The following SPAST variants were observed in gnomAD, a reference collection of about 807,000 sequenced individuals.
SPAST encodes the protein spastin, also known as spastic paraplegia 4 (autosomal dominant; spastin).
In SPAST, 30 loss-of-function variants were observed where a neutral mutation model predicts 76.6. The ratio of observed to expected loss-of-function variants is 0.39; its 90% CI spans 0.29 to 0.53. The LOEUF is 0.53. Ranked by LOEUF, SPAST falls within the 20% of genes least tolerant of loss-of-function variation. The pLI is 0.68. For synonymous variants in SPAST, 305 were observed against 281.0 expected, an observed-to-expected ratio of 1.09 and a Z score of -0.86; for missense variants, 717 against 770.5, an observed-to-expected ratio of 0.93 and a Z score of 0.82.
chr2:32,136,237 A>G (rs1679532700), intron 9 of SPAST, among the ~76,000 whole-genome samples: 1 of 152,156 alleles, frequency 6.6e-6, no homozygotes, highest in South Asian at 2.1e-4. Flanking sequence ...AATATGTACA[A>G]TGTCTTTTTC....
At chr2:32,073,109 A>T (rs1478035505) in intron 1 of SPAST, among the ~76,000 whole-genome samples, 1 of 152,204 alleles carries the variant, frequency 6.6e-6, no homozygotes, top group African/African-American at 2.4e-5. Flanking sequence ...CTCATGTTGA[A>T]TACAGTTAAA....
intron 1 of SPAST, among the ~76,000 whole-genome samples, chr2:32,067,618 C>T (rs989011625): frequency 6.6e-6 from 1 of 151,568 alleles, no homozygotes; most frequent in South Asian, 2.1e-4. Context: ...TTTTATTTTT[C>T]AGTTGGATAT....
intron 7 of SPAST, among the ~76,000 whole-genome samples, chr2:32,123,462 T>C (rs757068481): frequency 3.9e-5 from 6 of 152,098 alleles, no homozygotes; most frequent in Non-Finnish European, 8.8e-5. Flanking sequence ...TCTTCCCAAG[T>C]TCATATATCG....
At chr2:32,091,605 G>A (rs1353924659) in intron 3 of SPAST, among the ~76,000 whole-genome samples, 1 of 150,274 alleles carries the variant, frequency 6.7e-6, no homozygotes, top group East Asian at 2.0e-4. Context: ...GGCCGAGGCG[G>A]GTGGATCACG....
chr2:32,091,310 T>C (rs80108491), intron 3 of SPAST, among the ~76,000 whole-genome samples: 11 of 148,472 alleles, frequency 7.4e-5, no homozygotes, highest in Non-Finnish European at 1.5e-4. Flanking sequence ...AGATGGAGTC[T>C]TGCTTTGTTG....
chr2:32,110,761 A>ATATAGTATACATAGTATAGTATATATAG (rs1678548840), intron 4 of SPAST, among the ~76,000 whole-genome samples: 1 of 134,018 alleles, frequency 7.5e-6, no homozygotes, highest in African/African-American at 2.9e-5. Flanking sequence ...AGTATAGTAT[A>ATATAGTATACATAGTATAGTATATATAG]TATAGTATAC....
chr2:32,128,632 T>C, intron 9 of SPAST, 153 bp downstream of exon 9: 2 of 657,366 alleles, frequency 3.0e-6, no homozygotes, highest in Non-Finnish European at 2.7e-6. Context: ...ATCTTCAGAG[T>C]AGAAAGTTAT....
intron 1 of SPAST, among the ~76,000 whole-genome samples, chr2:32,074,332 G>A (rs1222899337): frequency 6.6e-6 from 1 of 152,114 alleles, no homozygotes; most frequent in Non-Finnish European, 1.5e-5. Flanking sequence ...CAGTGTTCAT[G>A]TTTTGCCTGT....
intron 1 of SPAST, among the ~76,000 whole-genome samples, chr2:32,073,652 A>T (rs369675678): frequency 1.3e-5 from 2 of 152,054 alleles, no homozygotes; most frequent in African/African-American, 4.8e-5. Flanking sequence ...CTTGACCTAT[A>T]ATAGTCCTGC....
intron 14 of SPAST, 30 bp from the exon 15 acceptor site, chr2:32,144,907 A>C: frequency 6.5e-7 from 1 of 1,548,184 alleles, no homozygotes; most frequent in South Asian, 1.1e-5. Context: ...GAGGGGAAAT[A>C]ATTTGCTGTT....
chr2:32,111,813 C>T (rs371693698), intron 4 of SPAST, among the ~76,000 whole-genome samples: 6 of 151,520 alleles, frequency 4.0e-5, no homozygotes, highest in Non-Finnish European at 7.4e-5. Context: ...ACATTTTGGA[C>T]ATACCTCATT....
chr2:32,063,637 G>A lies in SPAST; in HGVS notation c.-195G>A, dbSNP rs536851325. ...GCCCGAGCCACCGACTGCAGGAGGA[G>A]AAGGGGTTGTGCTCCTGGCCGAGGA... On this transcript the variant is annotated 5_prime_UTR_variant, in exon 1 of 17. Coordinates refer to ENST00000315285, the MANE Select transcript of SPAST (RefSeq NM_014946.4). 1.4e-4 allele frequency: 90 copies of A among 653,256 alleles called. No individual in the cohort carries two copies. Among genetic ancestry groups the A allele is most frequent in the Non-Finnish European group, 1.9e-4 (77 of 397,970 alleles). The allele number at this position is 653,256 out of a possible 1,614,324, so 40.5% of individuals were successfully genotyped here.
intron 4 of SPAST, among the ~76,000 whole-genome samples, chr2:32,111,238 A>G (rs1285343717): frequency 9.0e-6 from 1 of 110,734 alleles, no homozygotes; most frequent in African/African-American, 3.4e-5. Flanking sequence ...GCGTATATAT[A>G]CAGTATACTA....
At chr2:32,066,644 G>A (rs1676522428) in intron 1 of SPAST, among the ~76,000 whole-genome samples, 1 of 151,920 alleles carries the variant, frequency 6.6e-6, no homozygotes, top group Non-Finnish European at 1.5e-5. Flanking sequence ...CTCCAGCCTG[G>A]GCGGCAGAGC....
rs1195177643 is a variant in SPAST, at chr2:32,156,720, G to T, written c.*2224G>T. The T allele has an allele frequency of 6.6e-6, 1 of 152,184 alleles. No individual in the cohort carries two copies. Among genetic ancestry groups the T allele is most frequent in the African/African-American group, 2.4e-5 (1 of 41,460 alleles). 9.4% of individuals were successfully genotyped at this position (152,184 alleles called of 1,614,324 possible). ...CATATTAAAGGACTATGTGGTTCCA[G>T]CTCAACTTTTAATATATTGTCTCCT... On this transcript the variant is annotated 3_prime_UTR_variant, in exon 17 of 17. Coordinates refer to ENST00000315285, the MANE Select transcript of SPAST (RefSeq NM_014946.4).
chr2:32,140,570 C>T (rs955138150), intron 12 of SPAST, among the ~76,000 whole-genome samples: 2 of 151,548 alleles, frequency 1.3e-5, no homozygotes, highest in African/African-American at 4.8e-5. Context: ...TGAGCCAAGA[C>T]GGCGGCACTG....
intron 4 of SPAST, among the ~76,000 whole-genome samples, chr2:32,103,898 A>T (rs368484845): frequency 1.3e-5 from 2 of 152,134 alleles, no homozygotes; most frequent in African/African-American, 2.4e-5. Context: ...TATGTGGTCA[A>T]TTTTGGAATA....
chr2:32,118,338 C>T (rs1438807432), intron 7 of SPAST, among the ~76,000 whole-genome samples: 1 of 152,118 alleles, frequency 6.6e-6, no homozygotes, highest in Non-Finnish European at 1.5e-5. Flanking sequence ...TTACTTATTA[C>T]TCATTCTAAG....
At chr2:32,133,610 A>T (rs1460654426) in intron 9 of SPAST, among the ~76,000 whole-genome samples, 1 of 151,754 alleles carries the variant, frequency 6.6e-6, no homozygotes, top group Non-Finnish European at 1.5e-5. Context: ...TTTAATTTTT[A>T]TATTTTTCTT....
Sources: allele counts gnomAD v4.1 joint callset (sites outside exome capture counted in the v4.1 genomes callset), GRCh38; gene constraint gnomAD v4.1.1; transcripts MANE v1.5; gene names NCBI Gene and HGNC (gene_info 2026-07-23, HGNC 2026-07-21).